The following HOXC4 variants were observed in gnomAD, a reference collection of about 807,000 sequenced individuals.
HOXC4 encodes the protein homeobox C4, also known as homeobox protein Hox-C4.
HOXC4 carries 15 observed loss-of-function variants against 25.5 expected under a neutral mutation model. The observed-to-expected ratio is 0.59, with a 90% CI of 0.39 to 0.91. The LOEUF is 0.91. HOXC4 is among the 40% of genes least tolerant of loss of function. The pLI, the probability that HOXC4 is intolerant of heterozygous loss-of-function variation, is 0.00. For missense variants in HOXC4, 342 were observed against 352.4 expected, an observed-to-expected ratio of 0.97 and a Z score of 0.24; for synonymous variants, 165 against 148.0, an observed-to-expected ratio of 1.11 and a Z score of -0.83.
chr12:54,028,352 T>C (rs1008193086), intron 1 of HOXC4: 12 of 633,060 alleles, frequency 1.9e-5, no homozygotes, highest in Admixed American at 6.2e-5. Flanking sequence ...GCGATTTTTT[T>C]CCCCCTTCCT....
In HOXC4 at chr12:54,054,840, C is replaced by T. The variant is rs1026432006; in HGVS notation, c.440-10C>T. On this transcript the variant is annotated splice_polypyrimidine_tract_variant and intron_variant, in intron 1 of 1. Transcript: ENST00000430889. ...CTGAACCCCACTATTTGCTTTTCCC[C>T]TCCCCCCAGTGAACCCCAATTATAA... is the stretch of plus-strand genomic sequence containing the variant. 1.6e-4 allele frequency: 253 copies of T among 1,588,806 alleles called. No individual in the cohort carries two copies. The highest frequency in any genetic ancestry group is 2.1e-4 in the Non-Finnish European group (243 of 1,161,262).
rs143643016 is a variant in HOXC4 at position 54,035,872 on chromosome 12, G to A, written c.-123-17288G>A. Among the ~76,000 whole-genome samples, 543 of 152,286 alleles carry A rather than the reference G, an allele frequency of 3.6e-3. 4 individuals carry two copies. The highest frequency in any genetic ancestry group is 0.013 in the African/African-American group (527 of 41,544). The stretch of plus-strand genomic sequence containing the variant: ...TGGTATTGCTTGGTAAGGGGGTGTT[G>A]GGAGAGTTGGAGGAGGTGTGCCTCA... On this transcript the variant is annotated intron_variant, in intron 1 of 3. Transcript: ENST00000303406.
chr12:54,033,922 C>T (rs1941091245), intron 1 of HOXC4: 3 of 404,230 alleles, frequency 7.4e-6, no homozygotes, highest in Admixed American at 4.0e-5. Context: ...GCTCCGCCGG[C>T]GCTTGCGGCT....
At chr12:54,041,807 G>T (rs1219735451) in intron 1 of HOXC4, among the ~76,000 whole-genome samples, 1 of 151,890 alleles carries the variant, frequency 6.6e-6, no homozygotes, top group African/African-American at 2.4e-5. Context: ...CTCCCAAGTG[G>T]CTGGGATTAC....
chr12:54,053,663 G>A (rs1937898403), upstream of HOXC4, among the ~76,000 whole-genome samples: 3 of 152,270 alleles, frequency 2.0e-5, no homozygotes, highest in South Asian at 2.1e-4. Context: ...TGCACTGGGG[G>A]CACTCCAACC....
In HOXC4 at chr12:54,055,128, C is replaced by A. The variant is rs371537421; in HGVS notation, c.718C>A (p.Pro240Thr). ...AAPSTLSAAT[P>T]GTSEDHSQSA... is the part of the protein sequence containing the mutation. ...GCCCAGCACCCTTTCGGCAGCTACCCCGGGTACTTCTGAAGACCACTCCCA... is the reference window on the plus strand; with the variant it reads ...GCCCAGCACCCTTTCGGCAGCTACCACGGGTACTTCTGAAGACCACTCCCA... The change falls in exon 2 of 2, where the codon CCG becomes ACG. Residue 240 changes from proline (P) to threonine (T), a missense_variant. Pro to Thr is a conservative substitution (Grantham distance 38, BLOSUM62 -1). Transcript: ENST00000430889. 2.5e-6 allele frequency: 4 copies of A among 1,613,402 alleles called. No homozygotes were observed. Among genetic ancestry groups the A allele is most frequent in the Non-Finnish European group, 3.4e-6 (4 of 1,179,858 alleles).
chr12:54,051,775 G>A (rs1937851866), upstream of HOXC4, among the ~76,000 whole-genome samples: 1 of 152,204 alleles, frequency 6.6e-6, no homozygotes, highest in Non-Finnish European at 1.5e-5. Flanking sequence ...AGCATTGGAG[G>A]AGGGAAGGCA....
intron 1 of HOXC4, chr12:54,034,272 T>C (rs1404773458): frequency 6.2e-7 from 1 of 1,612,528 alleles, no homozygotes; most frequent in African/African-American, 1.3e-5. Flanking sequence ...GGGGTTTATG[T>C]TCCAGAGACG....
At chr12:54,024,609 G>A (rs1247595486) in intron 1 of HOXC4, among the ~76,000 whole-genome samples, 2 of 152,198 alleles carry the variant, frequency 1.3e-5, no homozygotes, top group East Asian at 1.9e-4. Context: ...TGAGTGGAAA[G>A]CAAAGGCCAG....
In HOXC4 at chr12:54,046,957, G is replaced by T. The variant is rs148055839; in HGVS notation, c.-123-6203G>T. On this transcript the variant is annotated intron_variant, in intron 1 of 3. Coordinates refer to the HOXC4 transcript ENST00000303406. ...GAGGCCTCTGGGCTGTGGAGCGAAA[G>T]TCAGATCCACCGCCTACTGCGGGGT... 2.0e-5 allele frequency among the ~76,000 whole-genome samples: 3 copies of T among 152,340 alleles called. No homozygotes were observed. In the East Asian group the frequency reaches 5.8e-4, roughly 29 times the overall value.
chr12:54,028,366 A>C, intron 1 of HOXC4: 1 of 727,678 alleles, frequency 1.4e-6, no homozygotes. Flanking sequence ...CCTTCCTGAC[A>C]TCTGGCTTGC....
intron 1 of HOXC4, among the ~76,000 whole-genome samples, chr12:54,040,884 AT>A (rs1362778835): frequency 1.3e-5 from 2 of 152,122 alleles, no homozygotes; most frequent in Non-Finnish European, 2.9e-5. Flanking sequence ...AAAAGTGGAG[AT>A]TTTTTGAAAG....
chr12:54,018,130 C>G (rs1329974542), intron 1 of HOXC4, among the ~76,000 whole-genome samples: 1 of 152,064 alleles, frequency 6.6e-6, no homozygotes, highest in Non-Finnish European at 1.5e-5. Flanking sequence ...GTGGGAGGTG[C>G]CCTGCGTTGG....
At position 54,054,023 on chromosome 12, in the gene HOXC4, C is replaced by T; in HGVS notation, c.101C>T (p.Pro34Leu). 1 of 1,614,190 alleles carries T rather than the reference C, an allele frequency of 6.2e-7. No individual in the cohort carries two copies. Among genetic ancestry groups the T allele is most frequent in the Non-Finnish European group, 8.5e-7 (1 of 1,180,020 alleles). Residue 34 changes from proline to leucine, a missense_variant, in exon 1 of 2, where the codon CCG becomes CTG. By Grantham distance (98) the Pro-to-Leu change is moderately conservative. Transcript: ENST00000430889. ...SQNSYIPEHS[P>L]EYYGRTRESG... ...AATAGCTACATCCCTGAACACAGTC[C>T]GGAATATTACGGCCGGACCAGGGAA...
At chr12:54,017,924 A>C (rs1316169379) in intron 1 of HOXC4, among the ~76,000 whole-genome samples, 2 of 151,838 alleles carry the variant, frequency 1.3e-5, no homozygotes, top group East Asian at 3.9e-4. Context: ...CCTCCCAGAG[A>C]GCGCGACTGC....
At chr12:54,031,190 G>C (rs1940971962) in intron 1 of HOXC4, among the ~76,000 whole-genome samples, 1 of 152,254 alleles carries the variant, frequency 6.6e-6, no homozygotes, top group South Asian at 2.1e-4. Context: ...CGAAAGACCA[G>C]TAAAGAAGCA....
At position 54,028,426 on chromosome 12, in the gene HOXC4, T is replaced by A. The variant is rs1940827224; in HGVS notation, c.-124+11012T>A. On this transcript the variant is annotated intron_variant, in intron 1 of 3. Coordinates refer to the HOXC4 transcript ENST00000303406. The stretch of plus-strand genomic sequence containing the variant: ...ACTTTGTCATTTTGTCTGTCCTGGA[T>A]TGGAGCCGTCCCTATAACCATCTAG... 1.4e-5 allele frequency: 19 copies of A among 1,357,714 alleles called. No homozygotes were observed. The South Asian group carries it at 2.7e-4, about 19-fold the overall frequency. 84.1% of individuals were successfully genotyped at this position (1,357,714 alleles called of 1,614,324 possible). A position where few individuals can be genotyped will look rare whatever the true frequency, so the allele number is the denominator to read the frequency against.
In HOXC4 at chr12:54,055,402, C is replaced by A; in HGVS notation, c.*197C>A. ...AAACAAGCCCCCTGCCCTCCTCTCC[C>A]TCCCACTGTTAAGGACCCTTTTAAG... On this transcript the variant is annotated 3_prime_UTR_variant, in exon 2 of 2. Transcript: ENST00000430889. 4.8e-6 allele frequency: 1 copy of A among 209,222 alleles called. No homozygotes were observed. The highest frequency in any genetic ancestry group is 9.3e-6 in the Non-Finnish European group (1 of 108,030). 13.0% of individuals were successfully genotyped at this position (209,222 alleles called of 1,614,324 possible).
chr12:54,048,097 C>T lies in HOXC4; in HGVS notation c.-123-5063C>T, dbSNP rs551342257. 9.3e-4 allele frequency among the ~76,000 whole-genome samples: 142 copies of T among 151,924 alleles called. 1 individual carries two copies. The highest frequency in any genetic ancestry group is 6.0e-4 in the Non-Finnish European group (41 of 67,960). ...TGGGCCGAGGCTTGGAAGGGGTGTG[C>T]GAGGCAGACGGGGTTATTAAAGGGA... On this transcript the variant is annotated intron_variant, in intron 1 of 3. Transcript: ENST00000303406.
Sources: gnomAD v4.1 joint callset for allele counts (sites outside exome capture counted in the v4.1 genomes callset) on GRCh38, gnomAD v4.1.1 for gene constraint, MANE v1.5 for transcripts, NCBI Gene and HGNC (gene_info 2026-07-23, HGNC 2026-07-21) for gene names.